Variants in STXBP5L observed in about 807,000 individuals in gnomAD.
The protein encoded by STXBP5L is syntaxin binding protein 5L, also known as syntaxin-binding protein 5-like.
STXBP5L carries 65 observed loss-of-function variants against 144.5 expected under a neutral mutation model. The ratio of observed to expected loss-of-function variants is 0.45; its 90% CI spans 0.37 to 0.55. The LOEUF is 0.55. STXBP5L is among the 20% of genes least tolerant of loss of function. The pLI, the probability that STXBP5L is intolerant of heterozygous loss-of-function variation, is 0.00. For missense variants in STXBP5L, 1,298 were observed against 1,405.5 expected, an observed-to-expected ratio of 0.92 and a Z score of 1.22; for synonymous variants, 505 against 469.6, an observed-to-expected ratio of 1.08 and a Z score of -0.97.
At chr3:121,048,839 C>T (rs1246466485) in intron 5 of STXBP5L, among the ~76,000 whole-genome samples, 2 of 152,126 alleles carry the variant, frequency 1.3e-5, no homozygotes, top group Non-Finnish European at 2.9e-5. Context: ...GTGCTGGGAG[C>T]CCAGGTCAAG....
chr3:121,377,491 A>G (rs745664629), intron 20 of STXBP5L, among the ~76,000 whole-genome samples: 45 of 152,330 alleles, frequency 3.0e-4, no homozygotes, highest in Non-Finnish European at 5.6e-4. Context: ...AATTTACAAG[A>G]ATAAAACAGC....
intron 7 of STXBP5L, among the ~76,000 whole-genome samples, chr3:121,140,910 G>GT (rs1425072523): frequency 2.6e-5 from 4 of 151,376 alleles, no homozygotes; most frequent in Admixed American, 1.3e-4. Flanking sequence ...ATCACAAAAT[G>GT]ATAACTATGT....
intron 3 of STXBP5L, among the ~76,000 whole-genome samples, chr3:120,979,891 G>A (rs892329292): frequency 6.6e-6 from 1 of 151,964 alleles, no homozygotes; most frequent in South Asian, 2.1e-4. Context: ...CATTTCTTTT[G>A]CTGTATCCTG....
At chr3:121,170,028 C>T (rs1259311293) in intron 9 of STXBP5L, among the ~76,000 whole-genome samples, 2 of 149,830 alleles carry the variant, frequency 1.3e-5, no homozygotes, top group Admixed American at 6.9e-5. Flanking sequence ...AATTAGAACT[C>T]AGGATTAAGA....
intron 20 of STXBP5L, among the ~76,000 whole-genome samples, chr3:121,368,548 A>AT (rs902415630): frequency 8.6e-5 from 13 of 150,826 alleles, no homozygotes; most frequent in Admixed American, 2.6e-4. Context: ...GTACATTATG[A>AT]TTTTTTTTGT....
At chr3:120,934,859 C>G (rs1382540929) in intron 2 of STXBP5L, among the ~76,000 whole-genome samples, 1 of 151,732 alleles carries the variant, frequency 6.6e-6, no homozygotes, top group Non-Finnish European at 1.5e-5. Flanking sequence ...TTTCTCTATC[C>G]CTTTAGTTTT....
At chr3:121,053,901 A>C (rs995728568) in intron 5 of STXBP5L, among the ~76,000 whole-genome samples, 4 of 152,034 alleles carry the variant, frequency 2.6e-5, no homozygotes, top group Admixed American at 2.6e-4. Flanking sequence ...AGAAAAAAAA[A>C]CAAACAACCC....
At chr3:121,160,952 T>A (rs77532651) in intron 9 of STXBP5L, among the ~76,000 whole-genome samples, 15,099 of 152,136 alleles carry the variant, frequency 0.099, 1,178 homozygotes, top group Admixed American at 0.2. Flanking sequence ...CACATAAAAT[T>A]TGCAAATCTT....
chr3:121,407,223 A>G lies in STXBP5L; in HGVS notation c.2588-20A>G. ...TTAGAATGAATTTGACATGTCAGTGATGTCCAATTGTTTTTATAGGTACAT... is the reference window on the plus strand; with the variant it reads ...TTAGAATGAATTTGACATGTCAGTGGTGTCCAATTGTTTTTATAGGTACAT... On this transcript the variant is annotated intron_variant, in intron 22 of 26. Coordinates refer to ENST00000471454, the MANE Select transcript of STXBP5L (RefSeq NM_001308330.2). The G allele has an allele frequency of 6.5e-7, 1 of 1,531,064 alleles. No individual in the cohort carries two copies. The highest frequency in any genetic ancestry group is 8.7e-7 in the Non-Finnish European group (1 of 1,143,268). The allele number at this position is 1,531,064 out of a possible 1,614,324, so 94.8% of individuals were successfully genotyped here.
At chr3:121,281,530 G>T (rs188645711) in intron 19 of STXBP5L, among the ~76,000 whole-genome samples, 2,173 of 149,502 alleles carry the variant, frequency 0.015, 25 homozygotes, top group Non-Finnish European at 0.022. Flanking sequence ...CATATTTCAG[G>T]TGTTCAGTTT....
intron 20 of STXBP5L, among the ~76,000 whole-genome samples, chr3:121,346,713 C>T (rs1432625515): frequency 2.0e-5 from 3 of 152,192 alleles, no homozygotes; most frequent in African/African-American, 4.8e-5. Context: ...TGGTGATGAG[C>T]ATTTTTGTAT....
chr3:121,239,433 C>T (rs2049592026), intron 13 of STXBP5L, among the ~76,000 whole-genome samples: 1 of 149,726 alleles, frequency 6.7e-6, no homozygotes, highest in Non-Finnish European at 1.5e-5. Context: ...AAGATGTAAC[C>T]TTTATTTTAG....
Position 120,938,080 on chromosome 3 carries a change from G to T in STXBP5L, c.190-16860G>T, listed in dbSNP as rs569492650. Among the ~76,000 whole-genome samples the T allele has an allele frequency of 2.1e-4, 32 of 151,928 alleles. No homozygotes were observed. The South Asian group carries it at 6.0e-3, about 29-fold the overall frequency. On this transcript the variant is annotated intron_variant, in intron 2 of 26. Coordinates refer to ENST00000471454, the MANE Select transcript of STXBP5L (RefSeq NM_001308330.2). ...TAGAAAATACAGGTAAGCAAAAACA[G>T]AACAATCTATTATTTTACCTAGATA... is the stretch of plus-strand genomic sequence containing the variant.
At chr3:121,405,387 C>T (rs1406398135) in intron 22 of STXBP5L, among the ~76,000 whole-genome samples, 2 of 151,960 alleles carry the variant, frequency 1.3e-5, no homozygotes, top group African/African-American at 4.8e-5. Context: ...TATCTCTACC[C>T]TAGAAAGTAA....
At chr3:121,241,646 G>T (rs2049676172) in intron 14 of STXBP5L, among the ~76,000 whole-genome samples, 1 of 152,174 alleles carries the variant, frequency 6.6e-6, no homozygotes, top group Non-Finnish European at 1.5e-5. Flanking sequence ...TAGCAGTAAT[G>T]AGTAGCTACC....
chr3:121,226,051 G>A (rs1373089810), intron 11 of STXBP5L, among the ~76,000 whole-genome samples: 1 of 152,146 alleles, frequency 6.6e-6, no homozygotes, highest in African/African-American at 2.4e-5. Context: ...TTGTTGCCGT[G>A]CCTCAAAGGG....
chr3:121,344,088 A>G (rs1217861914), intron 20 of STXBP5L, among the ~76,000 whole-genome samples: 2 of 151,610 alleles, frequency 1.3e-5, no homozygotes, highest in Non-Finnish European at 3.0e-5. Flanking sequence ...CCTCAGAAAT[A>G]ACGCCACATA....
At position 120,943,169 on chromosome 3, in the gene STXBP5L, C is replaced by G. The variant is rs553405039; in HGVS notation, c.190-11771C>G. On this transcript the variant is annotated intron_variant, in intron 2 of 26. Transcript: ENST00000471454. ...TTATATTTTTCTGAAAATGCTATGT[C>G]AATTAAAAATTATTATCACAGGAAA... 5.9e-4 allele frequency among the ~76,000 whole-genome samples: 89 copies of G among 151,550 alleles called. 2 individuals are homozygous for G. In the South Asian group the frequency reaches 0.015, roughly 25 times the overall value.
chr3:121,260,622 G>T (rs1364538082), intron 18 of STXBP5L, among the ~76,000 whole-genome samples: 1 of 151,786 alleles, frequency 6.6e-6, no homozygotes, highest in Non-Finnish European at 1.5e-5. Flanking sequence ...ATTTTTTCCT[G>T]ATGGCTAAGA....
Sources: gnomAD v4.1 joint callset for allele counts (sites outside exome capture counted in the v4.1 genomes callset) on GRCh38, gnomAD v4.1.1 for gene constraint, MANE v1.5 for transcripts, NCBI Gene and HGNC (gene_info 2026-07-23, HGNC 2026-07-21) for gene names.